The following FBXW11 variants were observed in gnomAD, a reference collection of about 807,000 sequenced individuals.
FBXW11 encodes F-box and WD repeat domain containing 11.
In FBXW11, 19 loss-of-function variants were observed where a neutral mutation model predicts 77.6. The observed-to-expected ratio is 0.24, with a 90% confidence interval of 0.17 to 0.36. The LOEUF (loss-of-function observed/expected upper bound fraction) is 0.36. FBXW11 is among the 10% of genes least tolerant of loss of function. FBXW11 has a pLI of 1.00. For synonymous variants in FBXW11, 235 were observed against 249.4 expected (o/e 0.94, Z 0.54); for missense variants, 334 against 704.2 (o/e 0.47, Z 5.95).
chr5:172,003,236 GC>G (rs1766524297), intron 1 of FBXW11: 1 of 152,142 alleles, frequency 6.6e-6, no homozygotes, highest in African/African-American at 2.4e-5. Context: ...ATTTCTGCTG[GC>G]TTCTTACAGG....
intron 1 of FBXW11, among the ~76,000 whole-genome samples, chr5:171,971,132 A>G (rs763466645): frequency 3.3e-5 from 5 of 152,320 alleles, no homozygotes; most frequent in Non-Finnish European, 7.4e-5. Context: ...TTTCTAGTCT[A>G]GTTCCTCTAA....
At chr5:171,960,429 A>C (rs1763847423) in intron 1 of FBXW11, among the ~76,000 whole-genome samples, 2 of 152,198 alleles carry the variant, frequency 1.3e-5, no homozygotes, top group South Asian at 4.1e-4. Flanking sequence ...TATCAAATTA[A>C]CACCAAAGCT....
intron 6 of FBXW11, among the ~76,000 whole-genome samples, chr5:171,893,560 C>T (rs940616216): frequency 1.3e-5 from 2 of 151,468 alleles, no homozygotes; most frequent in Admixed American, 1.3e-4. Context: ...GAACTCAACG[C>T]ATGGAATCAT....
chr5:171,933,753 A>G (rs1397667083), intron 2 of FBXW11, among the ~76,000 whole-genome samples: 1 of 152,232 alleles, frequency 6.6e-6, no homozygotes, highest in East Asian at 1.9e-4. Context: ...TACTTTGATA[A>G]GGAATGCTCT....
At chr5:171,979,979 G>C (rs898748813) in intron 1 of FBXW11, among the ~76,000 whole-genome samples, 44 of 152,220 alleles carry the variant, frequency 2.9e-4, no homozygotes, top group African/African-American at 1.1e-3. Flanking sequence ...AGGCAGAGGA[G>C]AACAAAGGAA....
intron 1 of FBXW11, among the ~76,000 whole-genome samples, chr5:171,965,173 A>T (rs1764118448): frequency 6.6e-6 from 1 of 152,188 alleles, no homozygotes; most frequent in Non-Finnish European, 1.5e-5. Context: ...CTTAAACACC[A>T]CTATAATTTT....
chr5:171,988,430 A>T (rs1393298194), intron 1 of FBXW11, among the ~76,000 whole-genome samples: 3 of 152,220 alleles, frequency 2.0e-5, no homozygotes, highest in Non-Finnish European at 4.4e-5. Context: ...AACCTGAGAC[A>T]ATCTGAGCAT....
chr5:171,945,720 C>G (rs531261874), intron 2 of FBXW11, among the ~76,000 whole-genome samples: 1 of 152,240 alleles, frequency 6.6e-6, no homozygotes, highest in Admixed American at 6.5e-5. Context: ...CCAACCACAC[C>G]GAGGCTCCAA....
intron 1 of FBXW11, among the ~76,000 whole-genome samples, chr5:171,966,757 G>A (rs1344953659): frequency 6.6e-6 from 1 of 152,168 alleles, no homozygotes; most frequent in African/African-American, 2.4e-5. Context: ...GGACTAGGGC[G>A]AGACCTCTCA....
At chr5:171,883,982 C>A (rs919906943) in intron 7 of FBXW11, among the ~76,000 whole-genome samples, 17 of 152,168 alleles carry the variant, frequency 1.1e-4, no homozygotes, top group Non-Finnish European at 2.5e-4. Context: ...TTTTCTCCCA[C>A]TCTGTGGGCT....
intron 6 of FBXW11, among the ~76,000 whole-genome samples, chr5:171,893,904 T>C (rs574177114): frequency 6.6e-6 from 1 of 152,176 alleles, no homozygotes; most frequent in South Asian, 2.1e-4. Context: ...TTATGCTCTA[T>C]ATTTCAATGA....
intron 7 of FBXW11, among the ~76,000 whole-genome samples, chr5:171,883,405 A>G (rs138121414): frequency 6.6e-6 from 1 of 152,222 alleles, no homozygotes. Context: ...GAGGGATAGC[A>G]TTAGGAGATA....
intron 6 of FBXW11, among the ~76,000 whole-genome samples, chr5:171,894,128 G>A (rs1193061360): frequency 1.3e-5 from 2 of 152,048 alleles, no homozygotes; most frequent in African/African-American, 2.4e-5. Flanking sequence ...ACACAGAGGA[G>A]CCAGGGTCAG....
chr5:171,898,873 C>A, intron 6 of FBXW11, 131 bp downstream of exon 6: 1 of 505,162 alleles, frequency 2.0e-6, no homozygotes, highest in South Asian at 3.8e-5. Context: ...GACACATTTA[C>A]TCCAAAAGCT....
In FBXW11 at chr5:171,899,097, G is replaced by T. The variant is rs1157765233; in HGVS notation, c.624-3C>A. 1.3e-6 allele frequency: 2 copies of T among 1,581,394 alleles called. No individual in the cohort carries two copies. Among genetic ancestry groups the T allele is most frequent in the Non-Finnish European group, 1.7e-6 (2 of 1,167,562 alleles). The stretch of plus-strand genomic sequence containing the variant: ...TGTTTTTAAACAGGTACTGATCCCT[G>T]GCAAATAAAAACAAACAGATGTTAC... On this transcript the variant is annotated splice_polypyrimidine_tract_variant and splice_region_variant and intron_variant, in intron 5 of 13. Transcript: ENST00000517395.
intron 7 of FBXW11, among the ~76,000 whole-genome samples, chr5:171,884,120 T>C (rs1758719505): frequency 6.6e-6 from 1 of 152,236 alleles, no homozygotes; most frequent in African/African-American, 2.4e-5. Flanking sequence ...CCTAAGCCAA[T>C]GTCTAGAAGG....
intron 1 of FBXW11, among the ~76,000 whole-genome samples, chr5:171,973,768 T>C (rs543310521): frequency 2.1e-4 from 32 of 151,980 alleles, no homozygotes; most frequent in Non-Finnish European, 4.0e-4. Context: ...GTTGGGGAGG[T>C]AAGGGGGATT....
intron 2 of FBXW11, among the ~76,000 whole-genome samples, chr5:171,941,124 A>G (rs537557296): frequency 2.3e-3 from 353 of 152,350 alleles, no homozygotes; most frequent in Non-Finnish European, 4.2e-3. Context: ...GGGAAAAAGA[A>G]TAACTTTACA....
chr5:171,910,494 A>C (rs1346614379), intron 4 of FBXW11, 78 bp downstream of exon 4: 3 of 937,756 alleles, frequency 3.2e-6, no homozygotes, highest in Non-Finnish European at 4.9e-6. Flanking sequence ...TCATTCAATC[A>C]TTTCATAAAT....
Sources: allele counts gnomAD v4.1 joint callset (sites outside exome capture counted in the v4.1 genomes callset), GRCh38; gene constraint gnomAD v4.1.1; transcripts MANE v1.5; gene names NCBI Gene and HGNC (gene_info 2026-07-23, HGNC 2026-07-21).